NAALADL2: variants seen among roughly 807,000 people sequenced by gnomAD.
NAALADL2 encodes the protein N-acetylated alpha-linked acidic dipeptidase like 2, also known as inactive N-acetylated-alpha-linked acidic dipeptidase-like protein 2.
A neutral mutation model predicts 87.2 loss-of-function variants in NAALADL2; 76 were observed. The ratio of observed to expected loss-of-function variants is 0.87; its 90% CI spans 0.72 to 1.05. The LOEUF (loss-of-function observed/expected upper bound fraction) is 1.05, where lower values mean the gene tolerates loss of function less well. Ranked by LOEUF, NAALADL2 falls within the 50% of genes least tolerant of loss-of-function variation. The pLI is 0.00. For missense variants in NAALADL2, 1,089 were observed against 945.8 expected (o/e 1.15, Z -1.99); for synonymous variants, 354 against 331.0 (o/e 1.07, Z -0.75).
intron 1 of NAALADL2, among the ~76,000 whole-genome samples, chr3:175,076,724 G>A (rs1008087574): frequency 6.6e-6 from 1 of 152,134 alleles, no homozygotes; most frequent in Non-Finnish European, 1.5e-5. Flanking sequence ...AAGTTGGAAT[G>A]TAGTCCAATA....
chr3:174,534,780 AG>A (rs1721576802), intron 1 of NAALADL2, among the ~76,000 whole-genome samples: 1 of 152,202 alleles, frequency 6.6e-6, no homozygotes, highest in Non-Finnish European at 1.5e-5. Context: ...TTGCTTGGAA[AG>A]AAAAAAGACA....
intron 2 of NAALADL2, among the ~76,000 whole-genome samples, chr3:174,651,379 A>G (rs569589852): frequency 6.6e-6 from 1 of 152,200 alleles, no homozygotes; most frequent in Non-Finnish European, 1.5e-5. Flanking sequence ...GAGTGGATAC[A>G]TGCTACCTGT....
At chr3:174,636,462 A>T (rs1458604898) in intron 2 of NAALADL2, among the ~76,000 whole-genome samples, 2 of 152,186 alleles carry the variant, frequency 1.3e-5, no homozygotes, top group Non-Finnish European at 2.9e-5. Flanking sequence ...CAGTAAAAAT[A>T]TACAAATAAT....
At chr3:174,854,426 C>G (rs537803613), upstream of NAALADL2, among the ~76,000 whole-genome samples, 3 of 151,950 alleles carry the variant, frequency 2.0e-5, no homozygotes, top group Non-Finnish European at 4.4e-5. Flanking sequence ...TTAATGGGTA[C>G]AAAACTACAG....
At chr3:175,139,504 T>G (rs946161093) in intron 2 of NAALADL2, among the ~76,000 whole-genome samples, 2 of 152,154 alleles carry the variant, frequency 1.3e-5, no homozygotes, top group African/African-American at 4.8e-5. Context: ...CCTATGTCTC[T>G]GCTGTTCAAA....
rs1560417122 is a variant in NAALADL2 at position 174,962,383 on chromosome 3, T to TATATATATATGTCATAGTGACTATGAC, written c.43+102943_43+102944insGTCATAGTGACTATGACATATATATAT. 4.5e-4 allele frequency among the ~76,000 whole-genome samples: 53 copies of TATATATATATGTCATAGTGACTATGAC among 116,896 alleles called. 2 individuals carry two copies. Among genetic ancestry groups the TATATATATATGTCATAGTGACTATGAC allele is most frequent in the African/African-American group, 2.1e-3 (52 of 24,270 alleles). The allele number at this position is 116,896 out of a possible 152,430, so 76.7% of individuals were successfully genotyped here. A position where few individuals can be genotyped will look rare whatever the true frequency, so the allele number is the denominator to read the frequency against. On this transcript the variant is annotated intron_variant, in intron 1 of 13. Transcript: ENST00000454872. The stretch of plus-strand genomic sequence containing the variant: ...ATAGTGACTATGACATATATATATA[T>TATATATATATGTCATAGTGACTATGAC]ATATATATATATGTCATAGTGACTA...
At chr3:174,681,866 T>C (rs1471053172) in intron 2 of NAALADL2, among the ~76,000 whole-genome samples, 1 of 152,176 alleles carries the variant, frequency 6.6e-6, no homozygotes, top group African/African-American at 2.4e-5. Context: ...CTTGGCTCTT[T>C]GATTGCATTT....
intron 2 of NAALADL2, among the ~76,000 whole-genome samples, chr3:175,157,618 A>C (rs765313141): frequency 5.3e-5 from 8 of 152,072 alleles, no homozygotes; most frequent in Non-Finnish European, 1.0e-4. Context: ...TTGAACAGTA[A>C]TGTCATAGGA....
intron 2 of NAALADL2, among the ~76,000 whole-genome samples, chr3:174,595,154 G>T (rs940704644): frequency 5.3e-5 from 8 of 152,116 alleles, no homozygotes; most frequent in African/African-American, 1.9e-4. Context: ...CAGTTGAGAA[G>T]AGATGTACAC....
At chr3:175,741,201 T>G (rs1191003682) in intron 12 of NAALADL2, among the ~76,000 whole-genome samples, 1 of 152,186 alleles carries the variant, frequency 6.6e-6, no homozygotes, top group Non-Finnish European at 1.5e-5. Context: ...GGCTGAGATA[T>G]CCAAGATCAA....
intron 9 of NAALADL2, among the ~76,000 whole-genome samples, chr3:175,537,567 AACC>A (rs1711516030): frequency 6.6e-6 from 1 of 152,204 alleles, no homozygotes; most frequent in Non-Finnish European, 1.5e-5. Context: ...AGTACCATAT[AACC>A]ACATCAAAAA....
chr3:175,807,886 GATTT>G lies in NAALADL2; in HGVS notation c.*4684_*4687del, dbSNP rs1754845920. 1 of 151,880 alleles carries G rather than the reference GATTT, an allele frequency of 6.6e-6. No individual in the cohort carries two copies. Among genetic ancestry groups the G allele is most frequent in the Non-Finnish European group, 1.5e-5 (1 of 67,912 alleles). The allele number at this position is 151,880 out of a possible 1,614,324, so 9.4% of individuals were successfully genotyped here. On this transcript the variant is annotated 3_prime_UTR_variant, in exon 14 of 14. Transcript: ENST00000454872. ...ATTGAAAATAATTTTCAGTTAAGTAGATTTGTTTTGTGCACTTCACAACTTTTAG... is the reference window on the plus strand; with the variant it reads ...ATTGAAAATAATTTTCAGTTAAGTAGGTTTTGTGCACTTCACAACTTTTAG...
At chr3:175,484,163 T>A (rs1726912832) in intron 9 of NAALADL2, among the ~76,000 whole-genome samples, 1 of 152,160 alleles carries the variant, frequency 6.6e-6, no homozygotes, top group Non-Finnish European at 1.5e-5. Flanking sequence ...TGTTTCCTCT[T>A]ACTTTGAAAG....
intron 2 of NAALADL2, among the ~76,000 whole-genome samples, chr3:175,206,720 G>A (rs1003277197): frequency 1.3e-5 from 2 of 152,010 alleles, no homozygotes; most frequent in Non-Finnish European, 2.9e-5. Flanking sequence ...ATAAAAAAGA[G>A]CATAGAGAAA....
At chr3:174,713,414 C>T (rs992589246) in intron 2 of NAALADL2, among the ~76,000 whole-genome samples, 33 of 152,126 alleles carry the variant, frequency 2.2e-4, no homozygotes, top group African/African-American at 7.2e-4. Context: ...GTTTACAGTC[C>T]CACCAACAGT....
intron 2 of NAALADL2, among the ~76,000 whole-genome samples, chr3:175,105,107 A>C (rs2108446809): frequency 6.6e-6 from 1 of 152,238 alleles, no homozygotes; most frequent in Middle Eastern, 3.4e-3. Flanking sequence ...AAATACTGTA[A>C]AATACTGTTT....
At chr3:175,293,631 T>C (rs1755943931) in intron 4 of NAALADL2, among the ~76,000 whole-genome samples, 1 of 152,136 alleles carries the variant, frequency 6.6e-6, no homozygotes, top group African/African-American at 2.4e-5. Flanking sequence ...TAAGTCCTCA[T>C]AAACGGGATC....
chr3:175,350,233 C>G (rs1336355671), intron 5 of NAALADL2, among the ~76,000 whole-genome samples: 1 of 151,924 alleles, frequency 6.6e-6, no homozygotes, highest in Non-Finnish European at 1.5e-5. Flanking sequence ...AAATATTAGA[C>G]AAGATAAAGC....
chr3:175,001,652 T>C lies in NAALADL2; in HGVS notation c.44-95138T>C, dbSNP rs149283495. Among the ~76,000 whole-genome samples the C allele has an allele frequency of 1.4e-3, 218 of 152,254 alleles. 1 individual carries two copies. The highest frequency in any genetic ancestry group is 2.2e-3 in the Non-Finnish European group (152 of 68,012). Reference sequence around the variant, plus strand: ...ACCCTGGAACTTTCTTAAACTCAATTATGTAAGCTCAGTCTTGGGTGTTCA... The same window carrying C: ...ACCCTGGAACTTTCTTAAACTCAATCATGTAAGCTCAGTCTTGGGTGTTCA... On this transcript the variant is annotated intron_variant, in intron 1 of 13. Transcript: ENST00000454872.
Sources: gnomAD v4.1 joint callset for allele counts (sites outside exome capture counted in the v4.1 genomes callset) on GRCh38, gnomAD v4.1.1 for gene constraint, MANE v1.5 for transcripts, NCBI Gene and HGNC (gene_info 2026-07-23, HGNC 2026-07-21) for gene names.